The following ZFHX3 variants were observed in gnomAD, a reference collection of about 807,000 sequenced individuals.
The protein encoded by ZFHX3 is zinc finger homeobox 3, also known as zinc finger homeobox protein 3.
ZFHX3 carries 42 observed loss-of-function variants against 279.1 expected under a neutral mutation model. That is an observed-to-expected ratio of 0.15 (90% confidence interval 0.12 to 0.19). ZFHX3 has a LOEUF of 0.19. ZFHX3 is among the 10% of genes least tolerant of loss of function. ZFHX3 has a pLI of 1.00. For synonymous variants in ZFHX3, 2,293 were observed against 1,957.8 expected (o/e 1.17, Z -4.52); for missense variants, 4,981 against 4,754.0 (o/e 1.05, Z -1.40).
chr16:72,834,650 A>G (rs1424650856), intron 4 of ZFHX3, among the ~76,000 whole-genome samples: 1 of 152,124 alleles, frequency 6.6e-6, no homozygotes, highest in African/African-American at 2.4e-5. Context: ...AATTTGCACC[A>G]ATCTTATGAA....
chr16:73,351,461 A>T (rs937268024), intron 3 of ZFHX3, among the ~76,000 whole-genome samples: 1 of 152,162 alleles, frequency 6.6e-6, no homozygotes, highest in African/African-American at 2.4e-5. Flanking sequence ...AGCCTGGGAG[A>T]GGGGACAGCT....
intron 2 of ZFHX3, among the ~76,000 whole-genome samples, chr16:73,466,719 C>A (rs532289603): frequency 3.0e-4 from 45 of 152,262 alleles, no homozygotes; most frequent in African/African-American, 9.9e-4. Context: ...CAGTGTTCAT[C>A]AAACTAACCC....
Position 72,787,030 on chromosome 16 carries a change from CTTTT to C in ZFHX3, c.*130_*133del, listed in dbSNP as rs949021905. The C allele has an allele frequency of 1.3e-4, 126 of 967,800 alleles. 1 individual carries two copies. Among genetic ancestry groups the C allele is most frequent in the Middle Eastern group, 3.9e-4 (1 of 2,554 alleles). 60.0% of individuals were successfully genotyped at this position (967,800 alleles called of 1,614,324 possible). On this transcript the variant is annotated 3_prime_UTR_variant, in exon 10 of 10. Transcript: ENST00000268489. ...TATGGGAAAACAACCCACGCTTTTT[CTTTT>C]TTTTCTTTTTTTTTTTTTTTTTGTT...
intron 9 of ZFHX3, chr16:72,790,425 A>G (rs2035650443): frequency 1.3e-5 from 2 of 152,228 alleles, no homozygotes; most frequent in African/African-American, 4.8e-5. Context: ...AAGGAGTTCC[A>G]TAACATGACA....
chr16:73,215,452 C>T (rs564013546), intron 5 of ZFHX3, among the ~76,000 whole-genome samples: 1 of 152,224 alleles, frequency 6.6e-6, no homozygotes, highest in Non-Finnish European at 1.5e-5. Flanking sequence ...GCTGCCAAGA[C>T]TATAATTCAA....
rs560991970 is a variant in ZFHX3, at chr16:73,260,808, G to A, written c.-1193-3672C>T. 4.8e-5 allele frequency among the ~76,000 whole-genome samples: 7 copies of A among 146,798 alleles called. No homozygotes were observed. In the South Asian group the frequency reaches 8.9e-4, roughly 19 times the overall value. On this transcript the variant is annotated intron_variant, in intron 4 of 17. Coordinates refer to the ZFHX3 transcript ENST00000641206. ...AACAATTCTCCTGCCTCAGCCTCCC[G>A]AGTGGCTGGGATTACAGGCGCCCAC... is the stretch of plus-strand genomic sequence containing the variant.
At chr16:73,466,865 G>A (rs2143593237) in intron 2 of ZFHX3, among the ~76,000 whole-genome samples, 1 of 152,256 alleles carries the variant, frequency 6.6e-6, no homozygotes, top group Non-Finnish European at 1.5e-5. Context: ...AGGAGACTGG[G>A]GCTTTGATGA....
rs572125416 is a variant in ZFHX3 at position 73,613,766 on chromosome 16, G to C, written c.-1547+66414C>G. Among the ~76,000 whole-genome samples, 4 of 152,200 alleles carry C rather than the reference G, an allele frequency of 2.6e-5. No homozygotes were observed. In the South Asian group the frequency reaches 8.3e-4, roughly 32 times the overall value. On this transcript the variant is annotated intron_variant, in intron 2 of 17. Coordinates refer to the ZFHX3 transcript ENST00000641206. ...AGGCATGGTGCTCAGGATTGGTGCCGGCATCTGCGCATTTCACAAGTAGTA... is the reference window on the plus strand; with the variant it reads ...AGGCATGGTGCTCAGGATTGGTGCCCGCATCTGCGCATTTCACAAGTAGTA...
At position 73,275,648 on chromosome 16, in the gene ZFHX3, A is replaced by G. The variant is rs769254571; in HGVS notation, c.-1193-18512T>C. On this transcript the variant is annotated intron_variant, in intron 4 of 17. Coordinates refer to the ZFHX3 transcript ENST00000641206. ...GGTTTTCCACTGCATAGAAAGGTTAATGTTTATACTGTCGTCTATTGAGTG... is the reference window on the plus strand; with the variant it reads ...GGTTTTCCACTGCATAGAAAGGTTAGTGTTTATACTGTCGTCTATTGAGTG... Among the ~76,000 whole-genome samples, 48 of 152,206 alleles carry G rather than the reference A, an allele frequency of 3.2e-4. 1 individual carries two copies. The highest frequency in any genetic ancestry group is 7.3e-5 in the Non-Finnish European group (5 of 68,038).
At chr16:73,227,797 C>A (rs1195208924) in intron 5 of ZFHX3, among the ~76,000 whole-genome samples, 5 of 125,592 alleles carry the variant, frequency 4.0e-5, no homozygotes, top group African/African-American at 1.5e-4. Context: ...TGCAGTGAGT[C>A]GAGATTGCAC....
At chr16:72,837,942 T>C (rs2037238982) in intron 4 of ZFHX3, among the ~76,000 whole-genome samples, 1 of 152,166 alleles carries the variant, frequency 6.6e-6, no homozygotes, top group Admixed American at 6.5e-5. Flanking sequence ...AGTAATCATT[T>C]TACCACAAGA....
At chr16:73,104,817 A>G (rs1359623825) in intron 7 of ZFHX3, among the ~76,000 whole-genome samples, 2 of 151,666 alleles carry the variant, frequency 1.3e-5, no homozygotes, top group African/African-American at 4.8e-5. Context: ...CACTCCTTCA[A>G]CCCCACCATT....
intron 1 of ZFHX3, among the ~76,000 whole-genome samples, chr16:73,744,412 G>A (rs1287480281): frequency 6.6e-6 from 1 of 152,154 alleles, no homozygotes; most frequent in Admixed American, 6.5e-5. Flanking sequence ...AAACTGACAG[G>A]CTAGAAGTGG....
At chr16:73,053,043 T>TC (rs1410258213), upstream of ZFHX3, among the ~76,000 whole-genome samples, 5 of 152,208 alleles carry the variant, frequency 3.3e-5, no homozygotes, top group East Asian at 9.6e-4. Context: ...GACTGCTTTT[T>TC]CCCTCTCTCC....
At chr16:72,882,982 GTGTGTGT>G (rs2038526115) in intron 4 of ZFHX3, among the ~76,000 whole-genome samples, 13 of 20,816 alleles carry the variant, frequency 6.2e-4, no homozygotes, top group Admixed American at 1.1e-3. Flanking sequence ...TCTGGGGTGT[GTGTGTGT>G]GTGTGTGTGT....
intron 3 of ZFHX3, among the ~76,000 whole-genome samples, chr16:73,339,177 A>G (rs2015982350): frequency 6.6e-6 from 1 of 152,148 alleles, no homozygotes. Context: ...TCAGAATCTG[A>G]TTTTAAGTCT....
At chr16:73,140,581 C>T (rs1030512714) in intron 6 of ZFHX3, among the ~76,000 whole-genome samples, 4 of 152,052 alleles carry the variant, frequency 2.6e-5, no homozygotes, top group South Asian at 2.1e-4. Context: ...GGAGGCCGGG[C>T]GTGGCGGCTC....
Position 72,794,235 on chromosome 16 carries a change from G to C in ZFHX3, c.8447C>G (p.Pro2816Arg), listed in dbSNP as rs2035818662. 1 of 1,614,168 alleles carries C rather than the reference G, an allele frequency of 6.2e-7. No homozygotes were observed. Among genetic ancestry groups the C allele is most frequent in the South Asian group, 1.1e-5 (1 of 91,072 alleles). ...KVEGIEDFES[P>R]SMSSVNLNFD... ...GTTTAGATTAACTGAGGACATGGAG[G>C]GGCTTTCAAAGTCTTCAATCCCTTC... The change falls in exon 9 of 10, where the codon CCC becomes CGC. Residue 2816 changes from proline to arginine, a missense_variant. Around this residue, in one of 7 missense-constraint regions of ZFHX3, gnomAD observed 744 missense variants for 701.3 expected, o/e 1.06. Coordinates refer to ENST00000268489, the MANE Select transcript of ZFHX3 (RefSeq NM_006885.4). The surrounding 1 kb of genome is among the most constrained non-coding windows in gnomAD (Gnocchi z 4.2).
intron 3 of ZFHX3, among the ~76,000 whole-genome samples, chr16:72,906,094 G>T (rs970980663): frequency 2.6e-5 from 4 of 151,824 alleles, no homozygotes; most frequent in African/African-American, 9.7e-5. Flanking sequence ...CTTCTGACTG[G>T]CCAACCCCCC....
Sources: allele counts gnomAD v4.1 joint callset (sites outside exome capture counted in the v4.1 genomes callset), GRCh38; gene constraint gnomAD v4.1.1; regional missense constraint gnomAD v4.1.1; non-coding constraint Gnocchi (gnomAD v3.1); transcripts MANE v1.5; gene names NCBI Gene and HGNC (gene_info 2026-07-23, HGNC 2026-07-21).